The following PDE6A variants were observed in gnomAD, a reference collection of about 807,000 sequenced individuals.
PDE6A encodes rod cGMP-specific 3',5'-cyclic phosphodiesterase subunit alpha.
Under a neutral mutation model 106.3 loss-of-function variants are expected in PDE6A, and 84 were observed. The observed-to-expected ratio is 0.79, with a 90% CI of 0.66 to 0.95. The LOEUF is 0.95. PDE6A is among the 40% of genes least tolerant of loss of function. The pLI, the probability that PDE6A is intolerant of heterozygous loss-of-function variation, is 0.00. For missense variants in PDE6A, 1,052 were observed against 1,084.9 expected, an observed-to-expected ratio of 0.97 and a Z score of 0.43; for synonymous variants, 394 against 386.6, an observed-to-expected ratio of 1.02 and a Z score of -0.23.
At chr5:149,880,486 C>T (rs1581162244) in intron 17 of PDE6A, among the ~76,000 whole-genome samples, 1 of 151,932 alleles carries the variant, frequency 6.6e-6, no homozygotes, top group Admixed American at 6.6e-5. Flanking sequence ...CCGAGGTGGG[C>T]GGATCACGAG....
intron 8 of PDE6A, among the ~76,000 whole-genome samples, chr5:149,903,406 G>T (rs1753060059): frequency 6.6e-6 from 1 of 150,934 alleles, no homozygotes; most frequent in African/African-American, 2.4e-5. Context: ...ATATCTTGTG[G>T]GGGGAAAAAT....
intron 5 of PDE6A, 25 bp from the exon 6 acceptor site, chr5:149,915,032 CT>C (rs60750624): frequency 0.12 from 96,951 of 777,936 alleles, 229 homozygotes; most frequent in African/African-American, 0.14. Context: ...AAAAATTATA[CT>C]TTTTTTTTTT....
chr5:149,878,523 G>A (rs1402634822), intron 17 of PDE6A, among the ~76,000 whole-genome samples: 3 of 152,138 alleles, frequency 2.0e-5, no homozygotes, highest in African/African-American at 7.2e-5. Context: ...AATATCTGGA[G>A]GGGAAATCCT....
chr5:149,913,557 G>C (rs954471961), intron 6 of PDE6A, among the ~76,000 whole-genome samples: 3 of 152,032 alleles, frequency 2.0e-5, no homozygotes, highest in African/African-American at 7.2e-5. Flanking sequence ...AGTTTGGTCT[G>C]GTGACCAAAC....
intron 17 of PDE6A, among the ~76,000 whole-genome samples, chr5:149,876,146 G>A (rs923253947): frequency 1.3e-5 from 2 of 151,712 alleles, no homozygotes; most frequent in Non-Finnish European, 2.9e-5. Flanking sequence ...TTTTCTTTTG[G>A]ATTAAGTTAT....
intron 3 of PDE6A, chr5:149,932,645 C>T (rs1754075470): frequency 4.3e-6 from 7 of 1,613,028 alleles, no homozygotes; most frequent in East Asian, 4.5e-5. Flanking sequence ...CCATTTCGTA[C>T]GAATTCGACT....
intron 6 of PDE6A, among the ~76,000 whole-genome samples, chr5:149,909,216 A>G (rs1232947305): frequency 1.3e-5 from 2 of 152,220 alleles, no homozygotes; most frequent in Admixed American, 6.6e-5. Context: ...GCTGGAGTGC[A>G]GCAGAGCAAA....
In PDE6A at chr5:149,863,224, C is replaced by T. The variant is rs372258198; in HGVS notation, c.2401G>A (p.Gly801Arg). The T allele has an allele frequency of 3.1e-6, 5 of 1,613,946 alleles. No homozygotes were observed. Among genetic ancestry groups the T allele is most frequent in the Admixed American group, 3.3e-5 (2 of 60,002 alleles). ...CACTCCTTGCGATTGTTGGTGATCC[C>T]GTCCAACATTGGGGTGATCTCCTCG... The part of the protein sequence containing the change: ...FHEEITPMLD[G>R]ITNNRKEWKA... The change falls in exon 21 of 22, where the codon GGG becomes AGG. Residue 801 changes from glycine (G) to arginine (R), a missense_variant. Physicochemically the swap from Gly to Arg is moderately radical, Grantham distance 125. Around this residue, in one of 3 missense-constraint regions of PDE6A, gnomAD observed 135 missense variants for 153.2 expected, o/e 0.88. Coordinates refer to ENST00000255266, the MANE Select transcript of PDE6A (RefSeq NM_000440.3). The surrounding 1 kb of genome is among the most constrained non-coding windows in gnomAD (Gnocchi z 4.7).
intron 13 of PDE6A, among the ~76,000 whole-genome samples, chr5:149,888,481 T>C (rs1299241105): frequency 6.8e-6 from 1 of 146,778 alleles, no homozygotes; most frequent in Non-Finnish European, 1.5e-5. Context: ...AATTAATATG[T>C]TATTTATAAT....
rs920319994 is a variant in PDE6A, at chr5:149,886,168, A to G, written c.1838+97T>C. On this transcript the variant is annotated intron_variant, in intron 14 of 21. Coordinates refer to ENST00000255266, the MANE Select transcript of PDE6A (RefSeq NM_000440.3). Reference sequence around the variant, plus strand: ...AGAAGGCGGTGGGAAGCTGTGGACCACAAGACTTCCCTGTTGGCCAGTGAG... The same window carrying G: ...AGAAGGCGGTGGGAAGCTGTGGACCGCAAGACTTCCCTGTTGGCCAGTGAG... 16 of 910,042 alleles carry G rather than the reference A, an allele frequency of 1.8e-5. No individual in the cohort carries two copies. In the African/African-American group the frequency reaches 2.6e-4, roughly 15 times the overall value. 56.4% of individuals were successfully genotyped at this position (910,042 alleles called of 1,614,324 possible). A position where few individuals can be genotyped will look rare whatever the true frequency, so the allele number is the denominator to read the frequency against.
At chr5:149,867,951 C>G in intron 18 of PDE6A, 144 bp downstream of exon 18, 4 of 1,096,182 alleles carry the variant, frequency 3.6e-6, no homozygotes, top group Non-Finnish European at 5.6e-6. Flanking sequence ...ACTGGAGAGA[C>G]GTAAAATGAT....
intron 17 of PDE6A, among the ~76,000 whole-genome samples, chr5:149,870,373 G>C (rs1173416567): frequency 6.6e-6 from 1 of 152,176 alleles, no homozygotes; most frequent in Non-Finnish European, 1.5e-5. Flanking sequence ...TACATGCCCT[G>C]TGCTTTAATA....
chr5:149,866,305 C>T, intron 19 of PDE6A, 52 bp from the exon 20 acceptor site: 1 of 1,258,284 alleles, frequency 7.9e-7, no homozygotes, highest in South Asian at 1.2e-5. Context: ...AGAAACCTAC[C>T]CTATCTATGA....
intron 17 of PDE6A, among the ~76,000 whole-genome samples, chr5:149,876,889 C>CAGAG (rs1554086319): frequency 1.1e-4 from 16 of 151,432 alleles, no homozygotes; most frequent in African/African-American, 3.4e-4. Flanking sequence ...ACTAGACAGA[C>CAGAG]AGATGATGAT....
At position 149,863,091 on chromosome 5, in the gene PDE6A, G is replaced by T; in HGVS notation, c.2506+28C>A. 2.5e-6 allele frequency: 4 copies of T among 1,613,942 alleles called. No homozygotes were observed. In the South Asian group the frequency reaches 4.4e-5, roughly 18 times the overall value. ...TGAGTGCTCAGGGAGTGGGGTGGTG[G>T]GAGTCCCTGCTTCCCCCTTCCACAA... On this transcript the variant is annotated intron_variant, in intron 21 of 21. Coordinates refer to ENST00000255266, the MANE Select transcript of PDE6A (RefSeq NM_000440.3). The surrounding 1 kb of genome is among the most constrained non-coding windows in gnomAD (Gnocchi z 4.7).
intron 4 of PDE6A, among the ~76,000 whole-genome samples, chr5:149,927,961 G>A (rs533446977): frequency 5.3e-5 from 8 of 151,534 alleles, no homozygotes; most frequent in South Asian, 2.1e-4. Flanking sequence ...CCCCTGGAAC[G>A]TCTTCAGGGG....
At chr5:149,920,375 G>A (rs1225307206) in intron 5 of PDE6A, among the ~76,000 whole-genome samples, 1 of 152,092 alleles carries the variant, frequency 6.6e-6, no homozygotes, top group Admixed American at 6.5e-5. Context: ...GAGGTCAGGA[G>A]TTCGAGACCA....
rs137978960 is a variant in PDE6A at position 149,862,664 on chromosome 5, G to A, written c.2506+455C>T. Among the ~76,000 whole-genome samples, 45 of 152,294 alleles carry A rather than the reference G, an allele frequency of 3.0e-4. No homozygotes were observed. In the East Asian group the frequency reaches 7.7e-3, roughly 26 times the overall value. ...TCCCAGCTACTCAGGAAGCTGAGGCGGAAGAATTGCTTGAACCTGGGAGGT... is the reference window on the plus strand; with the variant it reads ...TCCCAGCTACTCAGGAAGCTGAGGCAGAAGAATTGCTTGAACCTGGGAGGT... On this transcript the variant is annotated intron_variant, in intron 21 of 21. Coordinates refer to ENST00000255266, the MANE Select transcript of PDE6A (RefSeq NM_000440.3).
chr5:149,900,840 A>G (rs1752950924), intron 8 of PDE6A, among the ~76,000 whole-genome samples: 1 of 152,098 alleles, frequency 6.6e-6, no homozygotes, highest in Non-Finnish European at 1.5e-5. Flanking sequence ...GGCCATGATA[A>G]AAAGACAGAT....
Sources: gnomAD v4.1 joint callset for allele counts (sites outside exome capture counted in the v4.1 genomes callset) on GRCh38, gnomAD v4.1.1 for gene constraint, gnomAD v4.1.1 regional missense constraint, Gnocchi (gnomAD v3.1) non-coding constraint, MANE v1.5 for transcripts, NCBI Gene and HGNC (gene_info 2026-07-23, HGNC 2026-07-21) for gene names.